FKBP9: variants seen among roughly 807,000 people sequenced by gnomAD.
FKBP9 encodes the protein FKBP prolyl isomerase 9.
FKBP9 carries 27 observed loss-of-function variants against 55.6 expected under a neutral mutation model. The ratio of observed to expected loss-of-function variants is 0.49; its 90% CI spans 0.36 to 0.67. FKBP9 has a LOEUF of 0.67. Among genes scored for constraint, FKBP9 ranks in the 30% least tolerant of loss-of-function variants. FKBP9 has a pLI of 0.00. For synonymous variants in FKBP9, 267 were observed against 296.5 expected (o/e 0.90, Z 1.02); for missense variants, 539 against 742.8 (o/e 0.73, Z 3.19).
At chr7:32,963,736 C>T (rs1254511796) in intron 1 of FKBP9, 64 of 1,301,416 alleles carry the variant, frequency 4.9e-5, no homozygotes, top group Middle Eastern at 2.1e-4. Context: ...GGGTTGCAAA[C>T]GGGGCTTCAT....
intron 4 of FKBP9, among the ~76,000 whole-genome samples, chr7:32,977,890 T>TATATATATATATATATATATATATATAC (rs1473389643): frequency 2.5e-4 from 35 of 139,318 alleles, no homozygotes; most frequent in African/African-American, 9.3e-4. Flanking sequence ...TATGTATATA[T>TATATATATATATATATATATATATATAC]ACACTCATAT....
At chr7:32,979,060 G>A (rs1273561627) in intron 4 of FKBP9, among the ~76,000 whole-genome samples, 1 of 152,086 alleles carries the variant, frequency 6.6e-6, no homozygotes, top group South Asian at 2.1e-4. Flanking sequence ...CCTGAGGTCG[G>A]GAGTTCAAGA....
chr7:32,966,418 A>G (rs3109424), intron 1 of FKBP9, among the ~76,000 whole-genome samples: 7,052 of 152,178 alleles, frequency 0.046, 392 homozygotes, highest in East Asian at 0.19. Context: ...AAACAAGCTG[A>G]TGGAGAGAAA....
intron 1 of FKBP9, among the ~76,000 whole-genome samples, chr7:32,965,797 C>CAAA (rs760247071): frequency 0.014 from 524 of 38,540 alleles, 23 homozygotes; most frequent in South Asian, 0.031. Context: ...GACTCCATGT[C>CAAA]AAAAAAAAAA....
intron 6 of FKBP9, among the ~76,000 whole-genome samples, chr7:32,992,413 G>A (rs1784704257): frequency 6.6e-6 from 1 of 152,156 alleles, no homozygotes; most frequent in African/African-American, 2.4e-5. Flanking sequence ...GAGCTGCAGA[G>A]TTTCTTGGGT....
At chr7:32,979,620 A>G in intron 4 of FKBP9, 1 of 1,389,700 alleles carries the variant, frequency 7.2e-7, no homozygotes, top group East Asian at 2.5e-5. Flanking sequence ...TTAACTTTCT[A>G]CTATCCCAAA....
intron 1 of FKBP9, among the ~76,000 whole-genome samples, chr7:32,963,329 T>G: frequency 6.6e-6 from 1 of 151,492 alleles, no homozygotes; most frequent in African/African-American, 2.4e-5. Flanking sequence ...CTAGGTGTTG[T>G]GGACTTTGGT....
At chr7:32,998,241 T>C (rs1784854942) in intron 7 of FKBP9, among the ~76,000 whole-genome samples, 1 of 151,922 alleles carries the variant, frequency 6.6e-6, no homozygotes, top group Non-Finnish European at 1.5e-5. Context: ...GTGAAAATGG[T>C]CCATGAGGTT....
chr7:33,002,711 G>T lies in FKBP9; in HGVS notation c.1408G>T (p.Asp470Tyr), dbSNP rs1784956497. The change falls in exon 9 of 10, where the codon GAC becomes TAC. Residue 470 changes from aspartate to tyrosine, a missense_variant. Asp to Tyr is a radical substitution (Grantham distance 160). Around this residue, in one of 4 missense-constraint regions of FKBP9, gnomAD observed 102 missense variants for 200.7 expected, o/e 0.51. Transcript: ENST00000242209. ...EVPGSAVLVF[D>Y]IELLELVAGL... is the part of the protein sequence containing the mutation. Reference sequence around the variant, plus strand: ...GCCCGGCAGTGCCGTATTAGTGTTTGACATTGAGCTGCTGGAGCTGGTGGC... The same window carrying T: ...GCCCGGCAGTGCCGTATTAGTGTTTTACATTGAGCTGCTGGAGCTGGTGGC... The T allele has an allele frequency of 1.2e-6, 2 of 1,614,152 alleles. No homozygotes were observed.
chr7:32,971,794 A>G (rs1784259131), intron 1 of FKBP9, among the ~76,000 whole-genome samples: 1 of 152,028 alleles, frequency 6.6e-6, no homozygotes, highest in Non-Finnish European at 1.5e-5. Flanking sequence ...CCTCATGTTT[A>G]ATTTCATGAG....
At chr7:32,957,963 G>A (rs1333230254) in intron 1 of FKBP9, among the ~76,000 whole-genome samples, 169 bp downstream of exon 1, 1 of 152,240 alleles carries the variant, frequency 6.6e-6, no homozygotes, top group Admixed American at 6.5e-5. Flanking sequence ...CCGCGGGTGA[G>A]CCTCCCGGCC....
At chr7:32,965,843 ATG>A (rs776212480) in intron 1 of FKBP9, among the ~76,000 whole-genome samples, 4,265 of 40,900 alleles carry the variant, frequency 0.1, 198 homozygotes, top group Admixed American at 0.17. Flanking sequence ...ATATATATAT[ATG>A]TGTGTACAGA....
intron 5 of FKBP9, among the ~76,000 whole-genome samples, chr7:32,987,903 G>A (rs1294120115): frequency 2.0e-5 from 3 of 152,148 alleles, no homozygotes; most frequent in African/African-American, 7.2e-5. Flanking sequence ...GTACAGGCTG[G>A]GCACGGTGGC....
chr7:32,976,222 A>G (rs1214793132), intron 3 of FKBP9, 132 bp from the exon 4 acceptor site: 22 of 993,602 alleles, frequency 2.2e-5, no homozygotes, highest in Non-Finnish European at 3.4e-5. Context: ...GAAAAGATCC[A>G]TAAATGTCTA....
At position 32,957,529 on chromosome 7, in the gene FKBP9, G is replaced by T; in HGVS notation, c.-45G>T. On this transcript the variant is annotated 5_prime_UTR_variant, in exon 1 of 10. Transcript: ENST00000242209. Reference sequence around the variant, plus strand: ...CCGAACGCCCAGGCCGACCCGTGCCGCCCGAGCGCCGCGCTGCGTCCGCGC... The same window carrying T: ...CCGAACGCCCAGGCCGACCCGTGCCTCCCGAGCGCCGCGCTGCGTCCGCGC... The T allele has an allele frequency of 7.5e-7, 1 of 1,341,404 alleles. No homozygotes were observed. The allele number at this position is 1,341,404 out of a possible 1,614,324, so 83.1% of individuals were successfully genotyped here.
intron 4 of FKBP9, among the ~76,000 whole-genome samples, chr7:32,977,532 CATGAT>C (rs1035338654): frequency 3.9e-5 from 6 of 152,196 alleles, no homozygotes; most frequent in African/African-American, 1.4e-4. Context: ...ACAGTAAAGA[CATGAT>C]ATGATAATCT....
At chr7:32,984,051 C>T (rs181337876) in intron 5 of FKBP9, among the ~76,000 whole-genome samples, 182 of 152,196 alleles carry the variant, frequency 1.2e-3, no homozygotes, top group African/African-American at 4.0e-3. Context: ...TAACTGTAAA[C>T]CTGTTATGTT....
At chr7:33,002,914 G>A (rs967677904) in intron 9 of FKBP9, 75 bp downstream of exon 9, 2 of 1,503,344 alleles carry the variant, frequency 1.3e-6, no homozygotes, top group African/African-American at 1.4e-5. Context: ...GGCCGGTTCT[G>A]AAGGTAAGGA....
intron 4 of FKBP9, 57 bp downstream of exon 4, chr7:32,976,556 G>A: frequency 1.3e-6 from 2 of 1,544,012 alleles, no homozygotes; most frequent in Non-Finnish European, 1.7e-6. Context: ...TATTGCAGTG[G>A]TTAATTCAGT....
Sources: gnomAD v4.1 joint callset for allele counts (sites outside exome capture counted in the v4.1 genomes callset) on GRCh38, gnomAD v4.1.1 for gene constraint, gnomAD v4.1.1 regional missense constraint, MANE v1.5 for transcripts, NCBI Gene and HGNC (gene_info 2026-07-23, HGNC 2026-07-21) for gene names.